Variants in NPY4R observed in about 807,000 individuals in gnomAD.
NPY4R encodes neuropeptide Y receptor Y4, also known as neuropeptide Y receptor type 4.
Under a neutral mutation model 11.9 loss-of-function variants are expected in NPY4R, and 2 were observed. The ratio of observed to expected loss-of-function variants is 0.17; its 90% CI spans 0.07 to 0.53. NPY4R has a LOEUF of 0.53. Among genes scored for constraint, NPY4R ranks in the 20% least tolerant of loss-of-function variants. The probability of loss-of-function intolerance (pLI) is 0.94; values close to 1 mark genes in which losing one functional copy is unlikely to be tolerated. For synonymous variants in NPY4R, 8 were observed against 121.7 expected (o/e 0.07, Z 6.15); for missense variants, 26 against 280.2 (o/e 0.09, Z 6.48).
upstream of NPY4R, among the ~76,000 whole-genome samples, chr10:46,466,187 CTTTCTTTCTT>C (rs1588926355): frequency 3.0e-4 from 3 of 9,976 alleles, no homozygotes; most frequent in South Asian, 2.7e-3. Flanking sequence ...TTCTCTCTTT[CTTTCTTTCTT>C]TCTTTCTTTC....
chr10:46,467,783 G>A (rs1331401451), upstream of NPY4R, among the ~76,000 whole-genome samples: 43 of 122,546 alleles, frequency 3.5e-4, no homozygotes, highest in Non-Finnish European at 6.8e-4. Context: ...ATGGACACCC[G>A]TCCTCTGTGC....
At chr10:46,466,205 TTC>T (rs1565142305), upstream of NPY4R, among the ~76,000 whole-genome samples, 566 of 49,328 alleles carry the variant, frequency 0.011, 20 homozygotes, top group African/African-American at 0.058. Context: ...CTTTCTTTCT[TTC>T]TTTCTTTCTT....
upstream of NPY4R, among the ~76,000 whole-genome samples, chr10:46,466,223 C>CT (rs1231426385): frequency 1.8e-4 from 12 of 65,554 alleles, no homozygotes; most frequent in African/African-American, 1.1e-3. Context: ...TTCTTTCTTT[C>CT]TTTCTTTCTT....
At chr10:46,463,945 TA>T (rs1840929329) in intron 1 of NPY4R, 60 bp from the exon 2 acceptor site, 1 of 145,638 alleles carries the variant, frequency 6.9e-6, no homozygotes, top group African/African-American at 2.7e-5. Flanking sequence ...CCCCATCTTG[TA>T]AAACACTATA....
chr10:46,467,591 G>T (rs1319725300), upstream of NPY4R, among the ~76,000 whole-genome samples: 33,065 of 136,468 alleles, frequency 0.24, 1,153 homozygotes, highest in South Asian at 0.28. Context: ...CACAGCTCTT[G>T]TCTCCGCCTC....
chr10:46,466,240 T>TTCCTTCCTTCCTTCCTTCCTTCCTTCC (rs1833271299), upstream of NPY4R, among the ~76,000 whole-genome samples: 1 of 71,474 alleles, frequency 1.4e-5, no homozygotes, highest in Non-Finnish European at 2.7e-5. Context: ...TCTTTCTTTC[T>TTCCTTCCTTCCTTCCTTCCTTCCTTCC]TTCTTTCTTT....
upstream of NPY4R, among the ~76,000 whole-genome samples, chr10:46,466,181 C>CTCTCTCTTTCTT (rs1283571743): frequency 4.5e-5 from 1 of 22,302 alleles, no homozygotes; most frequent in African/African-American, 1.8e-4. Flanking sequence ...CTGTCTTTCT[C>CTCTCTCTTTCTT]TCTTTCTTTC....
In NPY4R at chr10:46,465,766, CCCAGAT is replaced by C. The variant is rs1840990474; in HGVS notation, c.-310_-305del. 1 of 137,850 alleles carries C rather than the reference CCCAGAT, an allele frequency of 7.3e-6. No individual in the cohort carries two copies. The highest frequency in any genetic ancestry group is 2.7e-5 in the African/African-American group (1 of 37,562). The allele number at this position is 137,850 out of a possible 1,614,324, so 8.5% of individuals were successfully genotyped here. On this transcript the variant is annotated 5_prime_UTR_variant, in exon 1 of 3. Transcript: ENST00000374312. ...GGTCCACAGTGGGGGTAGGATGCTC[CCCAGAT>C]CCAGTGTGACGCTCTGCGCCCCGGG...
upstream of NPY4R, among the ~76,000 whole-genome samples, chr10:46,466,201 T>C (rs868928063): frequency 1.0e-3 from 19 of 18,726 alleles, no homozygotes; most frequent in South Asian, 2.3e-3. Context: ...CTTTCTTTCT[T>C]TCTTTCTTTC....
chr10:46,466,263 C>CTCTCTCTCTCT (rs1370103147), upstream of NPY4R, among the ~76,000 whole-genome samples: 1 of 12,556 alleles, frequency 8.0e-5, no homozygotes, highest in African/African-American at 2.2e-4. Flanking sequence ...TTCTTTCTTT[C>CTCTCTCTCTCT]CTTTCTTTCT....
chr10:46,466,196 TTTCTTTCTTTC>T, upstream of NPY4R, among the ~76,000 whole-genome samples: 1 of 24,224 alleles, frequency 4.1e-5, no homozygotes, highest in African/African-American at 1.9e-4. Flanking sequence ...TCTTTCTTTC[TTTCTTTCTTTC>T]TTTCTTTCTT....
At chr10:46,466,187 CTTTCTTTCTTTCTTTCTTT>C (rs1841019100), upstream of NPY4R, among the ~76,000 whole-genome samples, 1 of 9,986 alleles carries the variant, frequency 1.0e-4, no homozygotes, top group African/African-American at 4.9e-4. Flanking sequence ...TTCTCTCTTT[CTTTCTTTCTTTCTTTCTTT>C]CTTTCTTTCT....
intron 1 of NPY4R, 42 bp from the exon 2 acceptor site, chr10:46,463,927 C>T (rs1227053968): frequency 4.1e-5 from 6 of 145,496 alleles, no homozygotes; most frequent in African/African-American, 1.6e-4. Context: ...ATGCACATGG[C>T]CCTTGGACCC....
chr10:46,465,962 G>GCGGCTGCTACGCTCC (rs1554991050), upstream of NPY4R: 1 of 157,776 alleles, frequency 6.3e-6, no homozygotes, highest in Non-Finnish European at 1.4e-5. Context: ...GCGGAGTGGA[G>GCGGCTGCTACGCTCC]CGGCTGCTAC....
chr10:46,470,421 G>T (rs201745610), upstream of NPY4R, among the ~76,000 whole-genome samples: 3 of 9,672 alleles, frequency 3.1e-4, no homozygotes, highest in African/African-American at 1.5e-3. Context: ...AAGTAGAAAA[G>T]AATTCTACCA....
upstream of NPY4R, among the ~76,000 whole-genome samples, chr10:46,466,270 T>TTCTCTC (rs1841044892): frequency 1.2e-5 from 1 of 83,898 alleles, no homozygotes; most frequent in African/African-American, 5.3e-5. Context: ...TTTCCTTTCT[T>TTCTCTC]TCTTTCTTTC....
upstream of NPY4R, among the ~76,000 whole-genome samples, chr10:46,466,225 T>TTCTTTCTTTCTTTC (rs1841026513): frequency 1.5e-5 from 1 of 64,988 alleles, no homozygotes; most frequent in Admixed American, 1.5e-4. Flanking sequence ...CTTTCTTTCT[T>TTCTTTCTTTCTTTC]TCTTTCTTTC....
In NPY4R at chr10:46,463,747, CATT is replaced by C. The variant is rs1444281914; in HGVS notation, c.-80_-78del. On this transcript the variant is annotated 5_prime_UTR_variant, in exon 2 of 3. It adds an upstream start codon to the 5' untranslated region. Transcript: ENST00000374312. ...TGACTCACCTCTCAGATTCTCTAGT[CATT>C]ATTAATCCCACAGGGTTGCAGTTCT... The C allele has an allele frequency of 7.7e-6, 1 of 129,960 alleles. No homozygotes were observed. The highest frequency in any genetic ancestry group is 1.6e-5 in the Non-Finnish European group (1 of 62,698). 8.1% of individuals were successfully genotyped at this position (129,960 alleles called of 1,614,324 possible). A position where few individuals can be genotyped will look rare whatever the true frequency, so the allele number is the denominator to read the frequency against.
At chr10:46,466,181 C>CTCCCTT (rs1554991157), upstream of NPY4R, among the ~76,000 whole-genome samples, 1 of 22,300 alleles carries the variant, frequency 4.5e-5, no homozygotes, top group Non-Finnish European at 9.1e-5. Flanking sequence ...CTGTCTTTCT[C>CTCCCTT]TCTTTCTTTC....
Sources: gnomAD v4.1 joint callset for allele counts (sites outside exome capture counted in the v4.1 genomes callset) on GRCh38, gnomAD v4.1.1 for gene constraint, MANE v1.5 for transcripts, NCBI Gene and HGNC (gene_info 2026-07-23, HGNC 2026-07-21) for gene names.